DAAM1: variants seen among roughly 807,000 people sequenced by gnomAD.
DAAM1 encodes dishevelled associated activator of morphogenesis 1.
DAAM1 carries 52 observed loss-of-function variants against 130.0 expected under a neutral mutation model. That is an observed-to-expected ratio of 0.40 (90% CI 0.32 to 0.50). The LOEUF (loss-of-function observed/expected upper bound fraction) is 0.50, where lower values mean the gene tolerates loss of function less well. Among genes scored for constraint, DAAM1 ranks in the 20% least tolerant of loss-of-function variants. The pLI is 0.61. For synonymous variants in DAAM1, 452 were observed against 444.5 expected (o/e 1.02, Z -0.21); for missense variants, 1,134 against 1,303.8 (o/e 0.87, Z 2.01).
chr14:59,363,600 CA>C (rs1329103634), intron 22 of DAAM1, 50 bp from the exon 23 acceptor site: 31 of 1,610,600 alleles, frequency 1.9e-5, no homozygotes, highest in Non-Finnish European at 2.5e-5. Context: ...AGGTGTGTCT[CA>C]TGTCTGTATT....
At position 59,325,950 on chromosome 14, in the gene DAAM1, T is replaced by C. The variant is rs757550006; in HGVS notation, c.1057-10T>C. On this transcript the variant is annotated splice_polypyrimidine_tract_variant and intron_variant, in intron 9 of 24. Coordinates refer to ENST00000360909, the MANE Select transcript of DAAM1 (RefSeq NM_001270520.2). Reference sequence around the variant, plus strand: ...GATGTTTGATTTGATTTCTTTTTCCTGTGAAATAGGTTCACATAGACACAA... The same window carrying C: ...GATGTTTGATTTGATTTCTTTTTCCCGTGAAATAGGTTCACATAGACACAA... 11 of 1,612,634 alleles carry C rather than the reference T, an allele frequency of 6.8e-6. No homozygotes were observed. Among genetic ancestry groups the C allele is most frequent in the Non-Finnish European group, 9.3e-6 (11 of 1,178,724 alleles).
chr14:59,327,018 C>A (rs976314206), intron 12 of DAAM1, 27 bp downstream of exon 12: 1 of 1,612,860 alleles, frequency 6.2e-7, no homozygotes, highest in South Asian at 1.1e-5. Flanking sequence ...TGATAAGAGG[C>A]TGTGTTATTG....
At chr14:59,258,169 T>G (rs969858579) in intron 1 of DAAM1, among the ~76,000 whole-genome samples, 1 of 152,248 alleles carries the variant, frequency 6.6e-6, no homozygotes, top group Non-Finnish European at 1.5e-5. Context: ...TGGCTCATAA[T>G]TTTTACTTGA....
intron 21 of DAAM1, among the ~76,000 whole-genome samples, chr14:59,360,319 C>A (rs568442130): frequency 2.0e-5 from 3 of 152,218 alleles, no homozygotes; most frequent in East Asian, 3.9e-4. Context: ...TAAGAAAAAT[C>A]ATTTTTGATT....
intron 15 of DAAM1, among the ~76,000 whole-genome samples, chr14:59,333,878 C>T (rs1018789863): frequency 1.3e-5 from 2 of 152,168 alleles, no homozygotes; most frequent in Non-Finnish European, 2.9e-5. Context: ...GGACAGTTCT[C>T]AAGAGCTCTG....
At chr14:59,197,676 A>G (rs1887943344) in intron 1 of DAAM1, among the ~76,000 whole-genome samples, 1 of 152,230 alleles carries the variant, frequency 6.6e-6, no homozygotes, top group Admixed American at 6.5e-5. Context: ...TTAAAAATGT[A>G]TATAGTTTTA....
chr14:59,315,122 A>G (rs183369846), intron 3 of DAAM1, among the ~76,000 whole-genome samples, 158 bp from the exon 4 acceptor site: 4 of 152,210 alleles, frequency 2.6e-5, no homozygotes, highest in Admixed American at 2.6e-4. Flanking sequence ...AGGCAGTCTG[A>G]TCATTTATAG....
At chr14:59,354,840 G>C (rs1886416615) in intron 19 of DAAM1, among the ~76,000 whole-genome samples, 1 of 152,172 alleles carries the variant, frequency 6.6e-6, no homozygotes, top group African/African-American at 2.4e-5. Flanking sequence ...GTAAGTGTTT[G>C]TAAAGAAATC....
chr14:59,198,586 A>G (rs1466846836), intron 1 of DAAM1, among the ~76,000 whole-genome samples: 2 of 152,116 alleles, frequency 1.3e-5, no homozygotes, highest in Non-Finnish European at 2.9e-5. Flanking sequence ...GGGTGGAAAT[A>G]CTTAACCTGC....
intron 16 of DAAM1, among the ~76,000 whole-genome samples, chr14:59,345,675 T>C (rs1369194976): frequency 6.6e-6 from 1 of 152,184 alleles, no homozygotes; most frequent in Non-Finnish European, 1.5e-5. Flanking sequence ...GAGTGCGCGC[T>C]TTCAGTTGTT....
chr14:59,289,206 C>T (rs900290248), intron 2 of DAAM1, among the ~76,000 whole-genome samples: 3 of 152,100 alleles, frequency 2.0e-5, no homozygotes, highest in Non-Finnish European at 4.4e-5. Context: ...TGAGCCACCA[C>T]ACCCGGCCCA....
At chr14:59,322,310 A>G (rs1326500442) in intron 5 of DAAM1, among the ~76,000 whole-genome samples, 6 of 152,052 alleles carry the variant, frequency 3.9e-5, no homozygotes, top group Admixed American at 3.9e-4. Context: ...CCACAAGTTC[A>G]AGACCAGTCT....
intron 2 of DAAM1, among the ~76,000 whole-genome samples, chr14:59,289,873 A>G (rs1883662675): frequency 6.6e-6 from 1 of 151,700 alleles, no homozygotes; most frequent in Admixed American, 6.6e-5. Context: ...TTAGTGAACC[A>G]GCCCAGAACA....
In DAAM1 at chr14:59,331,526, GT is replaced by G. The variant is rs1885442394; in HGVS notation, c.1860+22del. The G allele has an allele frequency of 3.8e-6, 6 of 1,563,310 alleles. No homozygotes were observed. Among genetic ancestry groups the G allele is most frequent in the Non-Finnish European group, 5.2e-6 (6 of 1,153,130 alleles). On this transcript the variant is annotated intron_variant, in intron 14 of 24. Transcript: ENST00000360909. Reference sequence around the variant, plus strand: ...TGCCCGAGGTGAGCCATTTGTTCCAGTTTTCCCTTTAATGGATAGCATTAGC... The same window carrying G: ...TGCCCGAGGTGAGCCATTTGTTCCAGTTTCCCTTTAATGGATAGCATTAGC...
At chr14:59,206,145 GC>G (rs1888250887) in intron 1 of DAAM1, among the ~76,000 whole-genome samples, 1 of 152,110 alleles carries the variant, frequency 6.6e-6, no homozygotes, top group African/African-American at 2.4e-5. Context: ...ATGAGCTACT[GC>G]ACCTGGCCCT....
intron 1 of DAAM1, among the ~76,000 whole-genome samples, chr14:59,262,556 T>A (rs1391024953): frequency 6.6e-6 from 1 of 152,160 alleles, no homozygotes; most frequent in African/African-American, 2.4e-5. Context: ...ATACATACAT[T>A]CTTTAAATCA....
At chr14:59,316,511 G>C (rs1240897452) in intron 4 of DAAM1, among the ~76,000 whole-genome samples, 2 of 152,116 alleles carry the variant, frequency 1.3e-5, no homozygotes. Context: ...AACTACATAA[G>C]TTTTTCCCCA....
Position 59,359,466 on chromosome 14 carries a change from T to A in DAAM1, c.2595T>A (p.Asn865Lys). The A allele has an allele frequency of 6.2e-7, 1 of 1,613,924 alleles. No individual in the cohort carries two copies. Among genetic ancestry groups the A allele is most frequent in the Non-Finnish European group, 8.5e-7 (1 of 1,179,876 alleles). ...AGTACCCCAGTGTTCTCAATCTAAA[T>A]GAAGAATTGCGAGATATTCCTCAAG... ...ENKYPSVLNLNEELRDIPQAA... is the reference protein window; with the variant it reads ...ENKYPSVLNLKEELRDIPQAA... Residue 865 changes from asparagine to lysine, a missense_variant, in exon 21 of 25, where the codon AAT (asparagine) becomes AAA (lysine). Coordinates refer to ENST00000360909, the MANE Select transcript of DAAM1 (RefSeq NM_001270520.2).
intron 3 of DAAM1, among the ~76,000 whole-genome samples, chr14:59,303,100 T>C (rs1285581371): frequency 6.6e-6 from 1 of 152,222 alleles, no homozygotes; most frequent in Admixed American, 6.5e-5. Flanking sequence ...AGTGCTATGG[T>C]GGAACCAAGA....
Sources: allele counts gnomAD v4.1 joint callset (sites outside exome capture counted in the v4.1 genomes callset), GRCh38; gene constraint gnomAD v4.1.1; transcripts MANE v1.5; gene names NCBI Gene and HGNC (gene_info 2026-07-23, HGNC 2026-07-21).